The following NOC4L variants were observed in gnomAD, a reference collection of about 807,000 sequenced individuals.
NOC4L encodes nucleolar complex protein 4 homolog.
A neutral mutation model predicts 62.8 loss-of-function variants in NOC4L; 40 were observed. The ratio of observed to expected loss-of-function variants is 0.64; its 90% CI spans 0.49 to 0.83. NOC4L has a LOEUF of 0.83. Among genes scored for constraint, NOC4L ranks in the 40% least tolerant of loss-of-function variants. The probability of loss-of-function intolerance (pLI) is 0.00; values close to 1 mark genes in which losing one functional copy is unlikely to be tolerated. For missense variants in NOC4L, 927 were observed against 701.9 expected (o/e 1.32, Z -3.62); for synonymous variants, 433 against 299.8 (o/e 1.44, Z -4.59).
At chr12:132,148,474 A>C (rs1190084694) in intron 7 of NOC4L, 135 bp from the exon 8 acceptor site, 6 of 955,754 alleles carry the variant, frequency 6.3e-6, no homozygotes, top group Non-Finnish European at 9.5e-6. Flanking sequence ...GGGGACAGGA[A>C]GAAGGAAGGC....
Position 132,145,626 on chromosome 12 carries a change from C to G in NOC4L, c.306C>G (p.Arg102=). The change falls in exon 3 of 15, where the codon CGC becomes CGG. Residue 102 remains arginine (R), a synonymous_variant. Transcript: ENST00000330579. The part of the protein sequence containing the change: ...MRHRYHSCCN[R]LGELLGHPSF... Reference sequence around the variant, plus strand: ...ACCGCTATCACAGCTGCTGCAATCGCTTGGGAGAGCTCCTGGGCCACCCCT... The same window carrying G: ...ACCGCTATCACAGCTGCTGCAATCGGTTGGGAGAGCTCCTGGGCCACCCCT... 6.2e-7 allele frequency: 1 copy of G among 1,613,602 alleles called. No individual in the cohort carries two copies. The highest frequency in any genetic ancestry group is 8.5e-7 in the Non-Finnish European group (1 of 1,179,896).
chr12:132,146,223 G>A (rs1246842233), intron 3 of NOC4L: 1 of 455,756 alleles, frequency 2.2e-6, no homozygotes, highest in Non-Finnish European at 4.4e-6. Flanking sequence ...CTGGATCAAT[G>A]GGTTTGCTTT....
rs745548658 is a variant in NOC4L, at chr12:132,151,837, C to T, written c.1317+17C>T. The stretch of plus-strand genomic sequence containing the variant: ...GAGCTTCAGGTGAGGGCGCTGCTGC[C>T]ACACCCTGGGGCCTCCCGAGCCATC... On this transcript the variant is annotated intron_variant, in intron 13 of 14. Coordinates refer to ENST00000330579, the MANE Select transcript of NOC4L (RefSeq NM_024078.3). The T allele has an allele frequency of 1.2e-6, 2 of 1,609,014 alleles. No homozygotes were observed. The highest frequency in any genetic ancestry group is 1.1e-5 in the South Asian group (1 of 90,974).
chr12:132,144,999 T>A, intron 2 of NOC4L, 25 bp downstream of exon 2: 1 of 1,571,562 alleles, frequency 6.4e-7, no homozygotes, highest in South Asian at 1.2e-5. Context: ...GCCCCGGGGC[T>A]GCTCTTCTCT....
chr12:132,151,911 C>T (rs1295035783), intron 13 of NOC4L, 91 bp downstream of exon 13: 14 of 1,372,194 alleles, frequency 1.0e-5, no homozygotes, highest in South Asian at 8.5e-5. Flanking sequence ...CCCGCATAGC[C>T]TCATGTTGCG....
At chr12:132,144,663 G>T in intron 1 of NOC4L, 58 bp downstream of exon 1, 1 of 1,460,156 alleles carries the variant, frequency 6.8e-7, no homozygotes, top group Non-Finnish European at 9.0e-7. Flanking sequence ...ACTTGAATGG[G>T]GGGCTGCGGC....
In NOC4L at chr12:132,151,396, C is replaced by T. The variant is rs369750524; in HGVS notation, c.1073+28C>T. On this transcript the variant is annotated intron_variant, in intron 11 of 14. Coordinates refer to ENST00000330579, the MANE Select transcript of NOC4L (RefSeq NM_024078.3). ...GAGTACCAGGGCACCTGGCTCTGCC[C>T]TGCTCTGTGCGGCTGCAGCCTGGGG... The T allele has an allele frequency of 2.9e-4, 473 of 1,604,986 alleles. 1 individual carries two copies. Among genetic ancestry groups the T allele is most frequent in the East Asian group, 1.2e-3 (53 of 44,880 alleles).
rs746294580 is a variant in NOC4L, at chr12:132,145,683, C to T, written c.345+18C>T. On this transcript the variant is annotated intron_variant, in intron 3 of 14. Coordinates refer to ENST00000330579, the MANE Select transcript of NOC4L (RefSeq NM_024078.3). ...AGGTCAAGGTGGGTCATTGGGCTGG[C>T]CTCATCCTTGTCCATCCCCTGCACC... The T allele has an allele frequency of 2.6e-6, 4 of 1,564,384 alleles. No individual in the cohort carries two copies. Among genetic ancestry groups the T allele is most frequent in the Non-Finnish European group, 3.5e-6 (4 of 1,137,466 alleles).
chr12:132,145,800 G>T, intron 3 of NOC4L, 135 bp downstream of exon 3: 1 of 619,668 alleles, frequency 1.6e-6, no homozygotes, highest in Non-Finnish European at 2.9e-6. Flanking sequence ...CACCCTGTGG[G>T]TGTTCAGTCC....
In NOC4L at chr12:132,147,617, T is replaced by G; in HGVS notation, c.454-16T>G. ...TGCTGGGCCGGGCAGGGCTGCTCACTGGTCCTTGCCCCTAGTTGGTGGTGG... is the reference window on the plus strand; with the variant it reads ...TGCTGGGCCGGGCAGGGCTGCTCACGGGTCCTTGCCCCTAGTTGGTGGTGG... On this transcript the variant is annotated splice_polypyrimidine_tract_variant and intron_variant, in intron 4 of 14. Coordinates refer to ENST00000330579, the MANE Select transcript of NOC4L (RefSeq NM_024078.3). 1 of 1,612,098 alleles carries G rather than the reference T, an allele frequency of 6.2e-7. No individual in the cohort carries two copies. Among genetic ancestry groups the G allele is most frequent in the South Asian group, 1.1e-5 (1 of 91,014 alleles).
intron 2 of NOC4L, 90 bp downstream of exon 2, chr12:132,145,064 G>A: frequency 6.8e-7 from 1 of 1,472,360 alleles, no homozygotes; most frequent in Non-Finnish European, 9.1e-7. Context: ...CCCAACCCTG[G>A]CACAGGCCGT....
chr12:132,151,712 G>A, intron 12 of NOC4L, 26 bp from the exon 13 acceptor site: 1 of 1,612,306 alleles, frequency 6.2e-7, no homozygotes, highest in Non-Finnish European at 8.5e-7. Flanking sequence ...GTGGACGGCA[G>A]ACAAGGGCCC....
chr12:132,148,210 T>G lies in NOC4L; in HGVS notation c.738+104T>G, dbSNP rs1897798770. The G allele has an allele frequency of 2.4e-6, 3 of 1,225,508 alleles. 1 individual carries two copies. Among genetic ancestry groups the G allele is most frequent in the East Asian group, 2.5e-5 (1 of 40,306 alleles). 75.9% of individuals were successfully genotyped at this position (1,225,508 alleles called of 1,614,324 possible). On this transcript the variant is annotated intron_variant, in intron 7 of 14. Coordinates refer to ENST00000330579, the MANE Select transcript of NOC4L (RefSeq NM_024078.3). Reference sequence around the variant, plus strand: ...TGCCGCCTTCCTCACCAGAGGAAACTCCCAGGGTACAGGTGGCAGCTTGCA... The same window carrying G: ...TGCCGCCTTCCTCACCAGAGGAAACGCCCAGGGTACAGGTGGCAGCTTGCA...
chr12:132,151,273 C>T lies in NOC4L; in HGVS notation c.978C>T (p.Phe326=), dbSNP rs1373518868. 4 of 1,611,722 alleles carry T rather than the reference C, an allele frequency of 2.5e-6. No homozygotes were observed. In the South Asian group the frequency reaches 3.3e-5, roughly 13 times the overall value. ...IHKHNLEYPD[F]YRKLYGLLDP... ...CGGCCCGCAGGGAGTACCCTGACTT[C>T]TACCGGAAGCTCTACGGCCTCTTGG... Residue 326 remains phenylalanine, a synonymous_variant, in exon 11 of 15, where the codon TTC becomes TTT. Transcript: ENST00000330579.
intron 8 of NOC4L, 26 bp downstream of exon 8, chr12:132,148,685 G>A (rs767265940): frequency 2.6e-5 from 40 of 1,534,914 alleles, no homozygotes; most frequent in Middle Eastern, 1.9e-4. Flanking sequence ...GGGAGGGGGC[G>A]GGGGCGGCAT....
chr12:132,147,895 T>C lies in NOC4L; in HGVS notation c.619T>C (p.Trp207Arg), dbSNP rs1897785174. 2.5e-6 allele frequency: 4 copies of C among 1,608,572 alleles called. No homozygotes were observed. The highest frequency in any genetic ancestry group is 8.5e-7 in the Non-Finnish European group (1 of 1,178,770). The change falls in exon 6 of 15, where the codon TGG becomes CGG. Residue 207 changes from tryptophan to arginine, a missense_variant. Coordinates refer to ENST00000330579, the MANE Select transcript of NOC4L (RefSeq NM_024078.3). ...GQHPEVPPAF[W>R]NNAFTLLSAV... ...GGCTCCGCAGGTGCCCCCCGCCTTT[T>C]GGAACAATGCCTTCACGCTGCTGTC...
intron 6 of NOC4L, 41 bp downstream of exon 6, chr12:132,148,020 T>C (rs756138127): frequency 5.0e-5 from 80 of 1,613,004 alleles, no homozygotes; most frequent in Non-Finnish European, 6.6e-5. Flanking sequence ...GGCTGAGCCT[T>C]GGTCTGCCTC....
intron 4 of NOC4L, 85 bp from the exon 5 acceptor site, chr12:132,147,548 G>A (rs2136689039): frequency 1.3e-6 from 2 of 1,539,724 alleles, no homozygotes; most frequent in South Asian, 1.2e-5. Flanking sequence ...TCTGCCTGGG[G>A]GGCTCGATGG....
At chr12:132,144,744 G>C (rs2136683759) in intron 1 of NOC4L, 110 bp from the exon 2 acceptor site, 1 of 1,485,130 alleles carries the variant, frequency 6.7e-7, no homozygotes, top group Non-Finnish European at 9.0e-7. Flanking sequence ...CACGGGTCGG[G>C]GGTGACGGGG....
Sources: gnomAD v4.1 joint callset for allele counts on GRCh38, gnomAD v4.1.1 for gene constraint, MANE v1.5 for transcripts, NCBI Gene and HGNC (gene_info 2026-07-23, HGNC 2026-07-21) for gene names.